DPP10: variants seen among roughly 807,000 people sequenced by gnomAD.
DPP10 encodes dipeptidyl peptidase like 10.
A neutral mutation model predicts 120.9 loss-of-function variants in DPP10; 33 were observed. The ratio of observed to expected loss-of-function variants is 0.27; its 90% CI spans 0.21 to 0.37. DPP10 has a LOEUF of 0.37. DPP10 is among the 10% of genes least tolerant of loss of function. DPP10 has a pLI of 1.00. For synonymous variants in DPP10, 337 were observed against 326.1 expected (o/e 1.03, Z -0.36); for missense variants, 816 against 942.8 (o/e 0.87, Z 1.76).
intron 21 of DPP10, among the ~76,000 whole-genome samples, chr2:115,832,192 A>G (rs1688995548): frequency 6.6e-6 from 1 of 152,228 alleles, no homozygotes; most frequent in East Asian, 1.9e-4. Flanking sequence ...AGCCATTAAA[A>G]TTTAACTTAT....
At chr2:115,578,401 A>G (rs1444254897) in intron 5 of DPP10, among the ~76,000 whole-genome samples, 1 of 151,876 alleles carries the variant, frequency 6.6e-6, no homozygotes, top group African/African-American at 2.4e-5. Flanking sequence ...CACCCCTCCA[A>G]CTGCTAAAAT....
rs180793152 is a variant in DPP10, at chr2:115,385,254, A to C, written c.271+41342A>C. Among the ~76,000 whole-genome samples, 89 of 152,252 alleles carry C rather than the reference A, an allele frequency of 5.8e-4. 1 individual carries two copies. The East Asian group carries it at 0.015, about 26-fold the overall frequency. Reference sequence around the variant, plus strand: ...CCTGGGAGGAAGGAGTGCTATACAGAGAGGCCAAGATGAATCTGAAGAGAG... The same window carrying C: ...CCTGGGAGGAAGGAGTGCTATACAGCGAGGCCAAGATGAATCTGAAGAGAG... On this transcript the variant is annotated intron_variant, in intron 3 of 25. Transcript: ENST00000410059.
intron 3 of DPP10, among the ~76,000 whole-genome samples, chr2:115,373,300 A>G (rs2065549300): frequency 6.6e-6 from 1 of 152,206 alleles, no homozygotes; most frequent in South Asian, 2.1e-4. Context: ...GAGAACATAG[A>G]TGTTTAGGGA....
At chr2:115,056,721 C>A (rs1705950806) in intron 1 of DPP10, among the ~76,000 whole-genome samples, 1 of 152,134 alleles carries the variant, frequency 6.6e-6, no homozygotes, top group Admixed American at 6.5e-5. Context: ...TCCTCTCTCT[C>A]CAAATGGCTC....
intron 1 of DPP10, among the ~76,000 whole-genome samples, chr2:114,516,557 G>A (rs999153447): frequency 6.6e-6 from 1 of 152,210 alleles, no homozygotes; most frequent in Admixed American, 6.5e-5. Context: ...GGGAAAATAT[G>A]TCTACTAGGA....
chr2:115,694,449 A>C (rs1022199449), intron 7 of DPP10, among the ~76,000 whole-genome samples: 2 of 152,172 alleles, frequency 1.3e-5, no homozygotes, highest in Non-Finnish European at 2.9e-5. Context: ...AACTCAGAAT[A>C]TTGAGGAGAA....
At chr2:115,122,237 C>A (rs930665117) in intron 1 of DPP10, among the ~76,000 whole-genome samples, 2 of 152,136 alleles carry the variant, frequency 1.3e-5, no homozygotes, top group African/African-American at 2.4e-5. Context: ...AGATACAACA[C>A]ATGAGAGAAG....
intron 1 of DPP10, among the ~76,000 whole-genome samples, chr2:114,722,322 T>G (rs1449161613): frequency 6.6e-6 from 1 of 152,198 alleles, no homozygotes; most frequent in African/African-American, 2.4e-5. Context: ...GGCCTCATGC[T>G]TTTTACAGAT....
At chr2:114,623,270 G>A (rs1183977555) in intron 1 of DPP10, among the ~76,000 whole-genome samples, 2 of 152,038 alleles carry the variant, frequency 1.3e-5, no homozygotes. Flanking sequence ...AAATATAATT[G>A]TAGAGACTCT....
At chr2:115,761,229 A>C (rs747890314) in intron 11 of DPP10, among the ~76,000 whole-genome samples, 1 of 152,086 alleles carries the variant, frequency 6.6e-6, no homozygotes, top group African/African-American at 2.4e-5. Context: ...ACATAATGAG[A>C]CACCATCTTA....
chr2:114,881,545 CTAAG>C (rs1046250687), intron 1 of DPP10, among the ~76,000 whole-genome samples: 11 of 149,064 alleles, frequency 7.4e-5, no homozygotes, highest in East Asian at 2.0e-4. Context: ...TCCTATCTAT[CTAAG>C]TATCTATCTA....
intron 1 of DPP10, among the ~76,000 whole-genome samples, chr2:114,597,234 T>A (rs1251374709): frequency 6.6e-6 from 1 of 151,346 alleles, no homozygotes; most frequent in Non-Finnish European, 1.5e-5. Flanking sequence ...CCAAGAAGAG[T>A]AATTTGGTAC....
chr2:115,662,583 G>A (rs1048883227), intron 5 of DPP10, among the ~76,000 whole-genome samples: 9 of 152,018 alleles, frequency 5.9e-5, no homozygotes, highest in African/African-American at 2.2e-4. Context: ...AAACCACACT[G>A]AAATATCACC....
chr2:114,490,786 G>T (rs896296350), intron 1 of DPP10, among the ~76,000 whole-genome samples: 5 of 152,040 alleles, frequency 3.3e-5, no homozygotes, highest in African/African-American at 1.2e-4. Context: ...ATGTATATAT[G>T]GGGGCGGGGG....
chr2:114,556,349 C>T (rs914628437), intron 1 of DPP10, among the ~76,000 whole-genome samples: 12 of 147,182 alleles, frequency 8.2e-5, no homozygotes, highest in South Asian at 4.3e-4. Flanking sequence ...GACCTGACAG[C>T]GTAACTACTG....
At chr2:115,191,098 A>G (rs2054848490) in intron 1 of DPP10, among the ~76,000 whole-genome samples, 2 of 152,306 alleles carry the variant, frequency 1.3e-5, no homozygotes, top group South Asian at 4.1e-4. Flanking sequence ...GGCTTAACGA[A>G]GGGGAAGAAC....
chr2:115,021,232 C>T (rs938468878), intron 1 of DPP10, among the ~76,000 whole-genome samples: 5 of 151,798 alleles, frequency 3.3e-5, no homozygotes, highest in African/African-American at 4.8e-5. Context: ...AACAAAATCT[C>T]GTTCTTTGAA....
At chr2:114,866,263 T>TAAGAA (rs755394510) in intron 1 of DPP10, among the ~76,000 whole-genome samples, 19 of 152,002 alleles carry the variant, frequency 1.2e-4, no homozygotes, top group Middle Eastern at 3.4e-3. Context: ...TGGTAGCTAA[T>TAAGAA]AAGAAAAGAA....
intron 1 of DPP10, among the ~76,000 whole-genome samples, chr2:115,151,162 A>C (rs939617307): frequency 2.6e-5 from 4 of 152,192 alleles, no homozygotes; most frequent in African/African-American, 9.6e-5. Flanking sequence ...TCTTTTCTTG[A>C]ATGTCTTAAA....
Sources: allele counts gnomAD v4.1 joint callset (sites outside exome capture counted in the v4.1 genomes callset), GRCh38; gene constraint gnomAD v4.1.1; transcripts MANE v1.5; gene names NCBI Gene and HGNC (gene_info 2026-07-23, HGNC 2026-07-21).